LMO7: variants seen among roughly 807,000 people sequenced by gnomAD.
The protein encoded by LMO7 is LIM domain only protein 7.
A neutral mutation model predicts 206.5 loss-of-function variants in LMO7; 120 were observed. That is an observed-to-expected ratio of 0.58 (90% CI 0.50 to 0.68). The LOEUF (loss-of-function observed/expected upper bound fraction) is 0.68, where lower values mean the gene tolerates loss of function less well. Ranked by LOEUF, LMO7 falls within the 30% of genes least tolerant of loss-of-function variation. LMO7 has a pLI of 0.00. For missense variants in LMO7, 1,959 were observed against 1,957.9 expected (o/e 1.00, Z -0.01); for synonymous variants, 706 against 681.5 (o/e 1.04, Z -0.56).
intron 11 of LMO7, among the ~76,000 whole-genome samples, chr13:75,812,645 A>G (rs1183554034): frequency 6.6e-6 from 1 of 152,164 alleles, no homozygotes; most frequent in East Asian, 1.9e-4. Flanking sequence ...GCATAGTGGG[A>G]GAAGAGAGTA....
At chr13:75,857,093 T>C (rs1304394909) in intron 30 of LMO7, 1 of 152,358 alleles carries the variant, frequency 6.6e-6, no homozygotes, top group Non-Finnish European at 1.5e-5. Context: ...TTTATGTTAA[T>C]ATATGTCAAT....
At position 75,784,513 on chromosome 13, in the gene LMO7, G is replaced by T. The variant is rs560214976; in HGVS notation, c.318-10888G>T. ...ATTTTTAAGTAATATGTAGACTTCT[G>T]AATGTGTTGCATGCATACATAGTTT... On this transcript the variant is annotated intron_variant, in intron 4 of 30. Transcript: ENST00000377534. Among the ~76,000 whole-genome samples, 13 of 152,254 alleles carry T rather than the reference G, an allele frequency of 8.5e-5. 1 individual carries two copies. In the South Asian group the frequency reaches 2.7e-3, roughly 32 times the overall value.
At chr13:75,751,385 C>A (rs2047262952) in intron 3 of LMO7, among the ~76,000 whole-genome samples, 1 of 152,028 alleles carries the variant, frequency 6.6e-6, no homozygotes, top group Non-Finnish European at 1.5e-5. Flanking sequence ...TGGTTTCGAT[C>A]TCCTGACCTT....
intron 4 of LMO7, among the ~76,000 whole-genome samples, chr13:75,791,585 G>A (rs975084544): frequency 2.0e-5 from 3 of 152,114 alleles, no homozygotes; most frequent in African/African-American, 4.8e-5. Flanking sequence ...CCTGTCTTAA[G>A]GCAGTTGGAA....
intron 1 of LMO7, among the ~76,000 whole-genome samples, chr13:75,688,254 C>T (rs897013289): frequency 7.2e-5 from 11 of 152,122 alleles, no homozygotes; most frequent in African/African-American, 2.7e-4. Context: ...CTATGCTGAA[C>T]CCACATGATA....
intron 1 of LMO7, among the ~76,000 whole-genome samples, chr13:75,638,292 G>A (rs956105737): frequency 6.6e-6 from 1 of 151,990 alleles, no homozygotes; most frequent in Admixed American, 6.6e-5. Flanking sequence ...TGCACATTTT[G>A]GAAAACGATG....
At chr13:75,847,136 C>A (rs548478032) in intron 26 of LMO7, among the ~76,000 whole-genome samples, 89 of 152,046 alleles carry the variant, frequency 5.9e-4, no homozygotes, top group Non-Finnish European at 1.1e-3. Flanking sequence ...TTTGGTCTTG[C>A]TCATTGCTTA....
intron 11 of LMO7, among the ~76,000 whole-genome samples, chr13:75,810,587 A>G (rs749341647): frequency 2.6e-5 from 4 of 152,246 alleles, no homozygotes; most frequent in Non-Finnish European, 5.9e-5. Flanking sequence ...AAGTCATAGG[A>G]AAGCTGTTTT....
At position 75,836,405 on chromosome 13, in the gene LMO7, A is replaced by C; in HGVS notation, c.3342A>C (p.Glu1114Asp). The C allele has an allele frequency of 6.5e-7, 1 of 1,539,968 alleles. No homozygotes were observed. The highest frequency in any genetic ancestry group is 8.9e-7 in the Non-Finnish European group (1 of 1,126,780). Residue 1114 changes from glutamate to aspartate, a missense_variant, in exon 19 of 31, where the codon GAA (glutamate) becomes GAC (aspartate). Glu to Asp is a conservative substitution (Grantham distance 45, BLOSUM62 2). Transcript: ENST00000377534. Reference sequence around the variant, plus strand: ...ATTTTTACCCTTTCCAGAATATTGAATCCAAAGAAATCAATGGAATTCATG... The same window carrying C: ...ATTTTTACCCTTTCCAGAATATTGACTCCAAAGAAATCAATGGAATTCATG... Reference protein sequence around the residue: ...FSESLQSSNIESKEINGIHDE... With the variant: ...FSESLQSSNIDSKEINGIHDE...
At chr13:75,741,347 G>T (rs1294684588) in intron 3 of LMO7, among the ~76,000 whole-genome samples, 2 of 152,112 alleles carry the variant, frequency 1.3e-5, no homozygotes, top group Non-Finnish European at 2.9e-5. Context: ...CATTATCAAT[G>T]TATTATTCTA....
At chr13:75,669,068 A>G (rs1042972261) in intron 1 of LMO7, among the ~76,000 whole-genome samples, 3 of 152,214 alleles carry the variant, frequency 2.0e-5, no homozygotes, top group Admixed American at 2.0e-4. Context: ...AGTCATGTCT[A>G]AGAGGTCAGC....
At chr13:75,657,007 G>A (rs2038119314) in intron 1 of LMO7, among the ~76,000 whole-genome samples, 1 of 152,210 alleles carries the variant, frequency 6.6e-6, no homozygotes, top group Non-Finnish European at 1.5e-5. Flanking sequence ...GAGATTGTTA[G>A]GGTCGGCCAA....
At chr13:75,647,857 C>T (rs1380637734) in intron 1 of LMO7, among the ~76,000 whole-genome samples, 1 of 150,550 alleles carries the variant, frequency 6.6e-6, no homozygotes, top group African/African-American at 2.4e-5. Context: ...TGGAGGCTTT[C>T]AAAAGGATTT....
At chr13:75,730,943 G>A (rs373946731) in intron 3 of LMO7, among the ~76,000 whole-genome samples, 6,331 of 150,074 alleles carry the variant, frequency 0.042, 268 homozygotes, top group African/African-American at 0.12. Flanking sequence ...GCGGTTTTGA[G>A]TGAGTTTCTT....
In LMO7 at chr13:75,824,326, T is replaced by C. The variant is rs116667027; in HGVS notation, c.2949+453T>C. Among the ~76,000 whole-genome samples the C allele has an allele frequency of 6.5e-3, 983 of 152,294 alleles. 7 individuals are homozygous for C. The highest frequency in any genetic ancestry group is 0.023 in the African/African-American group (947 of 41,562). ...TGCTGGAGTCTAGGGACATGGCATT[T>C]CTTTTTCGATAATTTTAACCTTCTA... On this transcript the variant is annotated intron_variant, in intron 15 of 30. Coordinates refer to ENST00000377534, the MANE Select transcript of LMO7 (RefSeq NM_001306080.2).
At chr13:75,634,098 C>G (rs2035415805), upstream of LMO7, among the ~76,000 whole-genome samples, 1 of 151,842 alleles carries the variant, frequency 6.6e-6, no homozygotes, top group Non-Finnish European at 1.5e-5. Context: ...CTCTGCCTCC[C>G]AAAGTGGGAG....
intron 15 of LMO7, among the ~76,000 whole-genome samples, chr13:75,824,248 A>T (rs1233418722): frequency 6.6e-6 from 1 of 152,142 alleles, no homozygotes; most frequent in Non-Finnish European, 1.5e-5. Context: ...TATTTGGGTG[A>T]CAGAAGCCCT....
intron 3 of LMO7, among the ~76,000 whole-genome samples, chr13:75,752,398 G>A (rs2047345084): frequency 6.6e-6 from 1 of 152,126 alleles, no homozygotes; most frequent in African/African-American, 2.4e-5. Context: ...CTCCCACAGT[G>A]CTGGGATTAC....
intron 3 of LMO7, among the ~76,000 whole-genome samples, chr13:75,738,656 T>G (rs1214548536): frequency 1.3e-5 from 2 of 152,194 alleles, no homozygotes; most frequent in African/African-American, 4.8e-5. Flanking sequence ...TTGTTAAATG[T>G]GGGTATGTTC....
Sources: gnomAD v4.1 joint callset for allele counts (sites outside exome capture counted in the v4.1 genomes callset) on GRCh38, gnomAD v4.1.1 for gene constraint, MANE v1.5 for transcripts, NCBI Gene and HGNC (gene_info 2026-07-23, HGNC 2026-07-21) for gene names.